The following FRMD6 variants were observed in gnomAD, a reference collection of about 807,000 sequenced individuals.
FRMD6 encodes FERM domain-containing protein 6.
In FRMD6, 37 loss-of-function variants were observed where a neutral mutation model predicts 73.2. The ratio of observed to expected loss-of-function variants is 0.51; its 90% CI spans 0.39 to 0.66. FRMD6 has a LOEUF of 0.66. Ranked by LOEUF, FRMD6 falls within the 30% of genes least tolerant of loss-of-function variation. FRMD6 has a pLI of 0.00. For synonymous variants in FRMD6, 273 were observed against 282.2 expected (o/e 0.97, Z 0.33); for missense variants, 714 against 780.5 (o/e 0.91, Z 1.02).
intron 1 of FRMD6, among the ~76,000 whole-genome samples, chr14:51,529,412 G>A (rs964825949): frequency 6.6e-6 from 1 of 152,202 alleles, no homozygotes; most frequent in Non-Finnish European, 1.5e-5. Flanking sequence ...TGTTTAATAA[G>A]CACTACAGAA....
intron 1 of FRMD6, among the ~76,000 whole-genome samples, chr14:51,682,091 A>G (rs186912079): frequency 1.3e-5 from 2 of 152,312 alleles, no homozygotes; most frequent in East Asian, 3.9e-4. Flanking sequence ...ATTGCCCAAT[A>G]TGCTTTGTTT....
chr14:51,611,350 C>T (rs1334796329), intron 2 of FRMD6, among the ~76,000 whole-genome samples: 1 of 152,206 alleles, frequency 6.6e-6, no homozygotes, highest in Admixed American at 6.5e-5. Flanking sequence ...TAAACATCAT[C>T]TAATCAGTTT....
At chr14:51,642,994 G>T (rs117306707) in intron 2 of FRMD6, among the ~76,000 whole-genome samples, 2,181 of 152,266 alleles carry the variant, frequency 0.014, 16 homozygotes, top group Non-Finnish European at 0.021. Flanking sequence ...TCTGTAGGTG[G>T]AAAGGACTGA....
the FRMD6 span, among the ~76,000 whole-genome samples, chr14:51,419,474 C>T: frequency 6.6e-6 from 1 of 152,166 alleles, no homozygotes; most frequent in African/African-American, 2.4e-5. Flanking sequence ...ACAGAAACAC[C>T]TTAAAAGATC....
intron 3 of FRMD6, among the ~76,000 whole-genome samples, chr14:51,700,576 G>T (rs564020152): frequency 6.6e-6 from 1 of 151,980 alleles, no homozygotes; most frequent in African/African-American, 2.4e-5. Flanking sequence ...ACAAAATGTG[G>T]GTCAGACTTC....
intron 1 of FRMD6, among the ~76,000 whole-genome samples, chr14:51,685,666 T>C (rs762411568): frequency 9.9e-5 from 15 of 152,214 alleles, no homozygotes; most frequent in Non-Finnish European, 1.5e-4. Flanking sequence ...AATACTGTTA[T>C]CCATTATATC....
chr14:51,459,708 T>C, the FRMD6 span, among the ~76,000 whole-genome samples: 1 of 150,472 alleles, frequency 6.6e-6, no homozygotes, highest in African/African-American at 2.4e-5. Context: ...GTGCCTGTAG[T>C]CCCAGCTGCT....
chr14:51,591,867 A>G (rs1889421153), intron 2 of FRMD6, among the ~76,000 whole-genome samples: 1 of 152,182 alleles, frequency 6.6e-6, no homozygotes, highest in South Asian at 2.1e-4. Flanking sequence ...TTATACATTT[A>G]TAAACAACAG....
At chr14:51,434,519 T>TA in the FRMD6 span, among the ~76,000 whole-genome samples, 3 of 46,748 alleles carry the variant, frequency 6.4e-5, no homozygotes, top group Non-Finnish European at 1.4e-4. Context: ...CAACAACAAT[T>TA]AAAAAATTGT....
the FRMD6 span, among the ~76,000 whole-genome samples, chr14:51,411,290 G>C: frequency 2.0e-5 from 3 of 152,210 alleles, no homozygotes; most frequent in African/African-American, 7.2e-5. Flanking sequence ...GAAAAGTCAT[G>C]TAACAATGCA....
At chr14:51,638,502 C>T (rs529433626) in intron 2 of FRMD6, among the ~76,000 whole-genome samples, 5 of 152,262 alleles carry the variant, frequency 3.3e-5, no homozygotes, top group African/African-American at 9.6e-5. Context: ...ACAGATGAGC[C>T]TCTTGTTCCA....
chr14:51,489,898 A>T (rs1306511150), intron 1 of FRMD6, among the ~76,000 whole-genome samples: 5 of 152,240 alleles, frequency 3.3e-5, no homozygotes. Context: ...AGACACCATC[A>T]TAAGTTTTTA....
chr14:51,711,550 C>G lies in FRMD6; in HGVS notation c.734C>G (p.Ala245Gly), dbSNP rs780151466. 2 of 1,604,270 alleles carry G rather than the reference C, an allele frequency of 1.2e-6. No homozygotes were observed. The highest frequency in any genetic ancestry group is 2.2e-5 in the East Asian group (1 of 44,788). Residue 245 changes from alanine to glycine, a missense_variant, in exon 8 of 14, where the codon GCA (alanine) becomes GGA (glycine). Transcript: ENST00000344768. ...RLYKDKREIE[A>G]SLTLGLTMRG... ...CTACAGGATAAAAGGGAAATTGAAG[C>G]ATCGCTGACTCTTGGATTGACCATG...
chr14:51,417,984 C>G, the FRMD6 span, among the ~76,000 whole-genome samples: 1 of 152,094 alleles, frequency 6.6e-6, no homozygotes, highest in Non-Finnish European at 1.5e-5. Context: ...GTTCTTGTGC[C>G]ACGGTTTTCG....
intron 12 of FRMD6, among the ~76,000 whole-genome samples, chr14:51,723,717 G>A (rs188266660): frequency 3.3e-5 from 5 of 150,976 alleles, no homozygotes; most frequent in African/African-American, 1.2e-4. Context: ...AGAGGTTGCA[G>A]TGACCCAAGA....
In FRMD6 at chr14:51,721,736, G is replaced by GAAGGA. The variant is rs1204551657; in HGVS notation, c.1361-212_1361-211insAGGAA. ...GAAGGAAGGGAGGGAGGAAGGGAGG[G>GAAGGA]AGGAAGGAAGGGAGGAAGGAAGGAG... On this transcript the variant is annotated intron_variant, in intron 11 of 13. Coordinates refer to ENST00000344768, the MANE Select transcript of FRMD6 (RefSeq NM_001267046.2). Among the ~76,000 whole-genome samples, 240 of 53,984 alleles carry GAAGGA rather than the reference G, an allele frequency of 4.4e-3. 1 individual carries two copies. Among genetic ancestry groups the GAAGGA allele is most frequent in the Non-Finnish European group, 5.7e-3 (163 of 28,472 alleles). 35.4% of individuals were successfully genotyped at this position (53,984 alleles called of 152,430 possible). A position where few individuals can be genotyped will look rare whatever the true frequency, so the allele number is the denominator to read the frequency against.
chr14:51,542,917 T>A (rs895185297), intron 1 of FRMD6, among the ~76,000 whole-genome samples: 3 of 152,062 alleles, frequency 2.0e-5, no homozygotes, highest in Admixed American at 6.6e-5. Context: ...GTATATCTTC[T>A]TTGGAGAAAA....
chr14:51,631,623 C>T (rs560382487), intron 2 of FRMD6, among the ~76,000 whole-genome samples: 2 of 152,250 alleles, frequency 1.3e-5, no homozygotes, highest in Non-Finnish European at 2.9e-5. Context: ...CCATTGTCAG[C>T]ACAGCTTCTG....
chr14:51,428,544 T>C, the FRMD6 span, among the ~76,000 whole-genome samples: 15 of 152,184 alleles, frequency 9.9e-5, no homozygotes, highest in Non-Finnish European at 2.1e-4. Flanking sequence ...CACCAAGACA[T>C]GATTTAGAAA....
Sources: gnomAD v4.1 joint callset for allele counts (sites outside exome capture counted in the v4.1 genomes callset) on GRCh38, gnomAD v4.1.1 for gene constraint, MANE v1.5 for transcripts, NCBI Gene and HGNC (gene_info 2026-07-23, HGNC 2026-07-21) for gene names.